The following ZNF726 variants were observed in gnomAD, a reference collection of about 807,000 sequenced individuals.
ZNF726 encodes the protein zinc finger protein 726.
A neutral mutation model predicts 11.6 loss-of-function variants in ZNF726; 15 were observed. That is an observed-to-expected ratio of 1.29 (90% CI 0.86 to 1.99). The LOEUF (loss-of-function observed/expected upper bound fraction) is 1.99, where lower values mean the gene tolerates loss of function less well. Ranked by LOEUF, ZNF726 falls within the 30% of genes most tolerant of loss-of-function variation. ZNF726 has a pLI of 0.00. For synonymous variants in ZNF726, 295 were observed against 243.6 expected (o/e 1.21, Z -1.96); for missense variants, 890 against 725.6 (o/e 1.23, Z -2.60).
At chr19:23,937,014 T>C (rs915622037), downstream of ZNF726, among the ~76,000 whole-genome samples, 1 of 151,424 alleles carries the variant, frequency 6.6e-6, no homozygotes, top group African/African-American at 2.4e-5. Flanking sequence ...GAGGGGCTCC[T>C]CACTTCCCAG....
At chr19:23,923,409 ATT>A (rs567346496) in intron 3 of ZNF726, 6,633 of 326,180 alleles carry the variant, frequency 0.02, no homozygotes, top group South Asian at 0.03. Flanking sequence ...GATGCCAGTA[ATT>A]TTTTTTTTTT....
intron 3 of ZNF726, among the ~76,000 whole-genome samples, chr19:23,929,707 A>G (rs935326466): frequency 2.6e-5 from 4 of 152,224 alleles, no homozygotes; most frequent in African/African-American, 9.6e-5. Context: ...GACAACTTCA[A>G]TTGAATATAA....
At chr19:23,916,673 A>G (rs1836171166) in intron 1 of ZNF726, among the ~76,000 whole-genome samples, 1 of 152,150 alleles carries the variant, frequency 6.6e-6, no homozygotes, top group Admixed American at 6.5e-5. Flanking sequence ...CACATTTACA[A>G]TGATTTTTTT....
At chr19:23,918,252 G>A (rs116408404) in intron 1 of ZNF726, among the ~76,000 whole-genome samples, 1,757 of 152,200 alleles carry the variant, frequency 0.012, 35 homozygotes, top group African/African-American at 0.039. Context: ...GGAAAAAAGG[G>A]CAAAGAAACT....
At chr19:23,919,573 G>T in intron 2 of ZNF726, 74 bp downstream of exon 2, 1 of 1,465,378 alleles carries the variant, frequency 6.8e-7, no homozygotes, top group South Asian at 1.3e-5. Context: ...ATGTTTTCTG[G>T]TAATTTATGC....
intron 3 of ZNF726, chr19:23,920,719 T>G (rs1175216180): frequency 6.6e-6 from 1 of 152,150 alleles, no homozygotes; most frequent in Non-Finnish European, 1.5e-5. Flanking sequence ...GGCCTCTCTT[T>G]TTGCACAAGA....
chr19:23,933,930 C>T lies in ZNF726; in HGVS notation c.1814C>T (p.Ser605Phe). The T allele has an allele frequency of 6.3e-7, 1 of 1,583,574 alleles. No homozygotes were observed. The highest frequency in any genetic ancestry group is 1.1e-5 in the South Asian group (1 of 87,956). ...CDECGKSFIW[S>F]STLFKHKRIH... ...GAATGTGGCAAATCATTTATCTGGTCCTCAACCCTTTTTAAGCATAAGAGG... is the reference window on the plus strand; with the variant it reads ...GAATGTGGCAAATCATTTATCTGGTTCTCAACCCTTTTTAAGCATAAGAGG... The change falls in exon 4 of 4, where the codon TCC becomes TTC. Residue 605 changes from serine to phenylalanine, a missense_variant. Ser to Phe is a radical substitution (Grantham distance 155). Coordinates refer to ENST00000594466, the MANE Select transcript of ZNF726 (RefSeq NM_001244038.2).
At chr19:23,941,272 G>A (rs1346336422) in intron 3 of ZNF726, among the ~76,000 whole-genome samples, 1 of 152,098 alleles carries the variant, frequency 6.6e-6, no homozygotes, top group Non-Finnish European at 1.5e-5. Context: ...TTTATGTGGT[G>A]TATCACATTT....
Position 23,932,449 on chromosome 19 carries a change from A to G in ZNF726, c.333A>G (p.Leu111=). The G allele has an allele frequency of 6.4e-7, 1 of 1,574,232 alleles. No homozygotes were observed. Among genetic ancestry groups the G allele is most frequent in the Non-Finnish European group, 8.6e-7 (1 of 1,164,272 alleles). ...RRFEKCGHEN[L]QLRKGCKSVD... Reference sequence around the variant, plus strand: ...TTGAAAAATGTGGACATGAGAATTTACAGTTAAGAAAAGGTTGTAAAAGTG... The same window carrying G: ...TTGAAAAATGTGGACATGAGAATTTGCAGTTAAGAAAAGGTTGTAAAAGTG... The change falls in exon 4 of 4, where the codon TTA becomes TTG. Residue 111 remains leucine, a synonymous_variant. Transcript: ENST00000594466.
rs760676542 is a variant in ZNF726 at position 23,932,946 on chromosome 19, G to A, written c.830G>A (p.Arg277Lys). Residue 277 changes from arginine to lysine, a missense_variant, in exon 4 of 4, where the codon AGG becomes AAG. Coordinates refer to ENST00000594466, the MANE Select transcript of ZNF726 (RefSeq NM_001244038.2). ...TCCTCAACACTAACCATACATAAGA[G>A]GATACATACTGGAGAGAAACCCTGC... ...SQSSTLTIHK[R>K]IHTGEKPCKC... The A allele has an allele frequency of 5.0e-6, 8 of 1,611,452 alleles. No individual in the cohort carries two copies. Among genetic ancestry groups the A allele is most frequent in the South Asian group, 1.1e-5 (1 of 90,922 alleles).
At chr19:23,918,492 G>C (rs1283061685) in intron 1 of ZNF726, among the ~76,000 whole-genome samples, 1 of 152,132 alleles carries the variant, frequency 6.6e-6, no homozygotes, top group Admixed American at 6.5e-5. Flanking sequence ...CCATAAAAAT[G>C]ATGTTTTCTT....
downstream of ZNF726, among the ~76,000 whole-genome samples, chr19:23,939,264 T>C (rs1198486446): frequency 6.6e-6 from 1 of 152,212 alleles, no homozygotes; most frequent in African/African-American, 2.4e-5. Flanking sequence ...AATAATAGTC[T>C]CCAATATCAT....
chr19:23,942,593 T>C (rs1431021538), intron 3 of ZNF726, among the ~76,000 whole-genome samples: 1 of 152,182 alleles, frequency 6.6e-6, no homozygotes, highest in Non-Finnish European at 1.5e-5. Context: ...TTGATGTCTA[T>C]CTCATTTCTT....
At chr19:23,918,518 C>G (rs2144958166) in intron 1 of ZNF726, among the ~76,000 whole-genome samples, 1 of 152,282 alleles carries the variant, frequency 6.6e-6, no homozygotes. Context: ...TAAATTCAGA[C>G]TGTAATTTGC....
At chr19:23,939,328 ATATATG>A (rs1389601961), downstream of ZNF726, among the ~76,000 whole-genome samples, 1 of 152,192 alleles carries the variant, frequency 6.6e-6, no homozygotes, top group Non-Finnish European at 1.5e-5. Flanking sequence ...GTATTCCAAC[ATATATG>A]TATATGTCAT....
At chr19:23,925,571 G>C (rs1055450476) in intron 3 of ZNF726, among the ~76,000 whole-genome samples, 1 of 151,858 alleles carries the variant, frequency 6.6e-6, no homozygotes, top group Non-Finnish European at 1.5e-5. Flanking sequence ...TGAGTGTGAG[G>C]GGATTTTGTT....
chr19:23,921,544 T>C (rs1967851836), intron 3 of ZNF726: 2 of 152,204 alleles, frequency 1.3e-5, no homozygotes, highest in Non-Finnish European at 2.9e-5. Flanking sequence ...TAAATTTATT[T>C]GTGTCCTCTC....
At position 23,932,598 on chromosome 19, in the gene ZNF726, A is replaced by C; in HGVS notation, c.482A>C (p.Asn161Thr). Residue 161 changes from asparagine (N) to threonine (T), a missense_variant, in exon 4 of 4, where the codon AAC becomes ACC. Coordinates refer to ENST00000594466, the MANE Select transcript of ZNF726 (RefSeq NM_001244038.2). ...GTCTTTTATAAATTTATAAATTTAA[A>C]CAGATATAAGATAAGACATACTAGA... ...LKVFYKFINL[N>T]RYKIRHTRKK... 1 of 1,542,350 alleles carries C rather than the reference A, an allele frequency of 6.5e-7. No individual in the cohort carries two copies. The highest frequency in any genetic ancestry group is 1.4e-5 in the African/African-American group (1 of 71,434).
downstream of ZNF726, among the ~76,000 whole-genome samples, chr19:23,936,356 T>A (rs1433249298): frequency 6.6e-6 from 1 of 152,154 alleles, no homozygotes; most frequent in Non-Finnish European, 1.5e-5. Flanking sequence ...AGAAGAATAT[T>A]TTTTGGAGAG....
Sources: gnomAD v4.1 joint callset for allele counts (sites outside exome capture counted in the v4.1 genomes callset) on GRCh38, gnomAD v4.1.1 for gene constraint, MANE v1.5 for transcripts, NCBI Gene and HGNC (gene_info 2026-07-23, HGNC 2026-07-21) for gene names.